ABCA12: variants seen among roughly 807,000 people sequenced by gnomAD.
The protein encoded by ABCA12 is glucosylceramide transporter ABCA12.
A neutral mutation model predicts 293.5 loss-of-function variants in ABCA12; 156 were observed. The observed-to-expected ratio is 0.53, with a 90% CI of 0.47 to 0.61. The LOEUF is 0.61. Ranked by LOEUF, ABCA12 falls within the 20% of genes least tolerant of loss-of-function variation. ABCA12 has a pLI of 0.00. For synonymous variants in ABCA12, 1,063 were observed against 1,108.0 expected, an observed-to-expected ratio of 0.96 and a Z score of 0.81; for missense variants, 2,797 against 3,090.2, an observed-to-expected ratio of 0.91 and a Z score of 2.25.
intron 23 of ABCA12, among the ~76,000 whole-genome samples, chr2:214,992,475 A>AC (rs1463305937): frequency 2.7e-5 from 4 of 148,818 alleles, no homozygotes; most frequent in Non-Finnish European, 5.9e-5. Flanking sequence ...AAAAAAAAAA[A>AC]AACAATTCAT....
intron 7 of ABCA12, among the ~76,000 whole-genome samples, chr2:215,038,391 C>T (rs1220427769): frequency 2.0e-5 from 3 of 152,018 alleles, no homozygotes; most frequent in African/African-American, 7.3e-5. Flanking sequence ...ATGTTCTATC[C>T]ACTCTATATG....
chr2:215,108,170 T>A (rs1037422242), intron 2 of ABCA12, among the ~76,000 whole-genome samples: 1 of 152,190 alleles, frequency 6.6e-6, no homozygotes, highest in Non-Finnish European at 1.5e-5. Flanking sequence ...TGATTTTAAC[T>A]CTATTAAAGA....
intron 39 of ABCA12, among the ~76,000 whole-genome samples, chr2:214,959,742 G>A (rs982333714): frequency 6.6e-6 from 1 of 152,138 alleles, no homozygotes; most frequent in African/African-American, 2.4e-5. Context: ...TTCCAATACA[G>A]TCCCAAATTG....
At chr2:215,133,276 C>T (rs568842392) in intron 1 of ABCA12, among the ~76,000 whole-genome samples, 42 of 142,436 alleles carry the variant, frequency 2.9e-4, no homozygotes, top group African/African-American at 9.2e-4. Flanking sequence ...TAAATTTATC[C>T]GAATCTCTGG....
Position 214,934,062 on chromosome 2 carries a change from G to A in ABCA12, c.7680+16C>T, listed in dbSNP as rs368174220. The A allele has an allele frequency of 4.5e-5, 72 of 1,610,814 alleles. 1 individual carries two copies. Among genetic ancestry groups the A allele is most frequent in the Admixed American group, 3.3e-4 (20 of 59,898 alleles). On this transcript the variant is annotated intron_variant, in intron 52 of 52. Coordinates refer to ENST00000272895, the MANE Select transcript of ABCA12 (RefSeq NM_173076.3). ...ATATGTGACGTTGTGCACATGGATC[G>A]TGGTATATATCTTACCTCTTCCAGA...
chr2:215,035,644 A>G (rs6435872), intron 8 of ABCA12: 51,570 of 147,718 alleles, frequency 0.35, 12,287 homozygotes, highest in African/African-American at 0.69. Flanking sequence ...CAGCCTAGGC[A>G]ATAGAGCGAG....
intron 50 of ABCA12, among the ~76,000 whole-genome samples, chr2:214,942,662 A>G (rs1574925983): frequency 6.6e-6 from 1 of 152,134 alleles, no homozygotes; most frequent in East Asian, 1.9e-4. Flanking sequence ...TCATTTTTTC[A>G]TCTTTGGCCT....
At chr2:215,053,923 C>A (rs1701368315) in intron 4 of ABCA12, among the ~76,000 whole-genome samples, 3 of 152,012 alleles carry the variant, frequency 2.0e-5, no homozygotes, top group Admixed American at 1.3e-4. Context: ...CTCAAGTCCA[C>A]TTGCAACTGA....
chr2:215,107,668 A>G (rs1288520000), intron 2 of ABCA12, among the ~76,000 whole-genome samples: 2 of 152,210 alleles, frequency 1.3e-5, no homozygotes, highest in East Asian at 3.9e-4. Context: ...CCAGATGCCC[A>G]ACCATCAAAA....
intron 2 of ABCA12, among the ~76,000 whole-genome samples, chr2:215,102,005 G>T (rs1702366117): frequency 6.6e-6 from 1 of 151,576 alleles, no homozygotes; most frequent in South Asian, 2.1e-4. Context: ...AGTCCCAATG[G>T]TCCTATTTTA....
chr2:215,135,864 T>A (rs1703215023), intron 1 of ABCA12, among the ~76,000 whole-genome samples: 1 of 152,164 alleles, frequency 6.6e-6, no homozygotes, highest in Non-Finnish European at 1.5e-5. Context: ...TGTCTTCAAG[T>A]CTTTTTCCCA....
chr2:214,972,580 A>T (rs2105954367), intron 36 of ABCA12, among the ~76,000 whole-genome samples: 1 of 151,960 alleles, frequency 6.6e-6, no homozygotes, highest in South Asian at 2.1e-4. Flanking sequence ...GCTAATTTTT[A>T]AATTTTTTGT....
At chr2:214,936,974 T>A (rs1399448785) in intron 51 of ABCA12, among the ~76,000 whole-genome samples, 1 of 152,142 alleles carries the variant, frequency 6.6e-6, no homozygotes, top group Non-Finnish European at 1.5e-5. Context: ...AGGACTGTGT[T>A]AACTTTAAGT....
intron 2 of ABCA12, among the ~76,000 whole-genome samples, chr2:215,084,413 TTTC>T (rs1241137005): frequency 6.6e-6 from 1 of 152,182 alleles, no homozygotes. Context: ...AACAGTTGAT[TTTC>T]TTATTACTCA....
intron 11 of ABCA12, chr2:215,022,043 C>A (rs1700641212): frequency 6.6e-6 from 1 of 152,074 alleles, no homozygotes; most frequent in African/African-American, 2.4e-5. Context: ...TATGATTAAA[C>A]CTGTAATAAA....
In ABCA12 at chr2:214,978,774, T is replaced by C. The variant is rs1425054238; in HGVS notation, c.4977+30A>G. ...AAGGGAACAGCAAGTTATATCAGCT[T>C]GAAGAAAAAAAAGAAATATTGAGGT... is the stretch of plus-strand genomic sequence containing the variant. On this transcript the variant is annotated intron_variant, in intron 32 of 52. Transcript: ENST00000272895. 6.9e-6 allele frequency: 11 copies of C among 1,603,122 alleles called. No homozygotes were observed. In the South Asian group the frequency reaches 1.2e-4, roughly 18 times the overall value.
At chr2:215,010,619 T>C (rs1700351382) in intron 17 of ABCA12, 149 bp from the exon 18 acceptor site, 2 of 934,038 alleles carry the variant, frequency 2.1e-6, no homozygotes, top group South Asian at 3.0e-5. Flanking sequence ...GCATCTGGTG[T>C]CAAAGTAAGA....
Position 215,007,801 on chromosome 2 carries a change from G to T in ABCA12, c.2518C>A (p.Gln840Lys). The change falls in exon 19 of 53, where the codon CAA becomes AAA. Residue 840 changes from glutamine (Q) to lysine (K), a missense_variant. Coordinates refer to ENST00000272895, the MANE Select transcript of ABCA12 (RefSeq NM_173076.3). Reference protein sequence around the residue: ...RQLAELREKSQEWMDKSPLFM... With the variant: ...RQLAELREKSKEWMDKSPLFM... ...AGTGGCGACTTATCCATCCACTCTT[G>T]AGATTTTTCTCTTAATTCCGCCAGC... 1 of 1,614,034 alleles carries T rather than the reference G, an allele frequency of 6.2e-7. No individual in the cohort carries two copies. The highest frequency in any genetic ancestry group is 8.5e-7 in the Non-Finnish European group (1 of 1,179,936).
chr2:214,936,686 C>T (rs1238038697), intron 51 of ABCA12, among the ~76,000 whole-genome samples: 1 of 152,166 alleles, frequency 6.6e-6, no homozygotes, highest in African/African-American at 2.4e-5. Flanking sequence ...TACAATATTT[C>T]ATCTAGTCTA....
Sources: allele counts gnomAD v4.1 joint callset (sites outside exome capture counted in the v4.1 genomes callset), GRCh38; gene constraint gnomAD v4.1.1; transcripts MANE v1.5; gene names NCBI Gene and HGNC (gene_info 2026-07-23, HGNC 2026-07-21).